Variants in RGS7 observed in about 807,000 individuals in gnomAD.
RGS7 encodes the protein regulator of G protein signaling 7.
A neutral mutation model predicts 81.1 loss-of-function variants in RGS7; 27 were observed. The observed-to-expected ratio is 0.33, with a 90% CI of 0.25 to 0.46. The LOEUF (loss-of-function observed/expected upper bound fraction) is 0.46, where lower values mean the gene tolerates loss of function less well. Among genes scored for constraint, RGS7 ranks in the 20% least tolerant of loss-of-function variants. The pLI, the probability that RGS7 is intolerant of heterozygous loss-of-function variation, is 1.00. For missense variants in RGS7, 396 were observed against 607.4 expected (o/e 0.65, Z 3.66); for synonymous variants, 208 against 207.7 (o/e 1.00, Z -0.01).
At chr1:241,137,800 G>C (rs960451421) in intron 2 of RGS7, among the ~76,000 whole-genome samples, 1 of 152,180 alleles carries the variant, frequency 6.6e-6, no homozygotes, top group Non-Finnish European at 1.5e-5. Flanking sequence ...GAGTTACAAA[G>C]GTGTGTGCTT....
At chr1:240,982,857 T>C (rs1685126817) in intron 4 of RGS7, among the ~76,000 whole-genome samples, 1 of 152,202 alleles carries the variant, frequency 6.6e-6, no homozygotes, top group Non-Finnish European at 1.5e-5. Flanking sequence ...TCAAATAATA[T>C]GGCAGAATTA....
At chr1:240,876,780 G>A (rs1665492848) in intron 6 of RGS7, among the ~76,000 whole-genome samples, 1 of 152,100 alleles carries the variant, frequency 6.6e-6, no homozygotes, top group South Asian at 2.1e-4. Context: ...GGATAACATG[G>A]TGAAACCCAA....
intron 9 of RGS7, among the ~76,000 whole-genome samples, chr1:240,852,725 C>T (rs945840143): frequency 2.6e-5 from 4 of 152,154 alleles, no homozygotes; most frequent in Non-Finnish European, 5.9e-5. Context: ...TAGAACCTCA[C>T]CCTTTCCTCT....
At chr1:241,037,712 C>T (rs1326103982) in intron 3 of RGS7, among the ~76,000 whole-genome samples, 1 of 105,898 alleles carries the variant, frequency 9.4e-6, no homozygotes, top group Non-Finnish European at 2.0e-5. Context: ...TAGAGTGAGA[C>T]TCCATCTCAA....
intron 3 of RGS7, among the ~76,000 whole-genome samples, chr1:241,013,191 T>G (rs2059056529): frequency 6.6e-6 from 1 of 151,588 alleles, no homozygotes; most frequent in Admixed American, 6.6e-5. Flanking sequence ...GCCTTCCCAG[T>G]AGCTAGGATT....
At position 241,040,901 on chromosome 1, in the gene RGS7, T is replaced by C. The variant is rs139403687; in HGVS notation, c.175+57765A>G. ...TGTTCTATCTAACCAACAGAATGTA[T>C]TACTCTTCCCTGGGAACATGCACGT... On this transcript the variant is annotated intron_variant, in intron 3 of 18. Transcript: ENST00000440928. Among the ~76,000 whole-genome samples, 15 of 152,340 alleles carry C rather than the reference T, an allele frequency of 9.8e-5. No homozygotes were observed. In the East Asian group the frequency reaches 2.9e-3, roughly 29 times the overall value.
At chr1:241,337,711 T>TG (rs891534052) in intron 2 of RGS7, among the ~76,000 whole-genome samples, 1 of 152,218 alleles carries the variant, frequency 6.6e-6, no homozygotes, top group African/African-American at 2.4e-5. Context: ...ATACTAAGCC[T>TG]GTCACTGCTC....
chr1:241,348,787 G>C (rs1022726015), intron 2 of RGS7, among the ~76,000 whole-genome samples: 3 of 152,122 alleles, frequency 2.0e-5, no homozygotes, highest in African/African-American at 7.2e-5. Flanking sequence ...TGTCTAGATA[G>C]GGCTAAACAA....
At chr1:241,004,841 G>A (rs139636757) in intron 3 of RGS7, among the ~76,000 whole-genome samples, 58 of 152,256 alleles carry the variant, frequency 3.8e-4, no homozygotes, top group Non-Finnish European at 5.4e-4. Context: ...CTACTTTTAC[G>A]GCTGGCTTTG....
intron 2 of RGS7, among the ~76,000 whole-genome samples, chr1:241,326,880 A>G (rs988021722): frequency 4.7e-5 from 7 of 149,784 alleles, no homozygotes; most frequent in African/African-American, 1.7e-4. Flanking sequence ...ACAGCTCCCC[A>G]GCCTGGGTGA....
rs188491548 is a variant in RGS7, at chr1:241,232,099, T to G, written c.78+123600A>C. 9.1e-4 allele frequency among the ~76,000 whole-genome samples: 139 copies of G among 152,308 alleles called. 1 individual carries two copies. Among genetic ancestry groups the G allele is most frequent in the African/African-American group, 3.2e-3 (131 of 41,574 alleles). On this transcript the variant is annotated intron_variant, in intron 2 of 18. Coordinates refer to ENST00000440928, the MANE Select transcript of RGS7 (RefSeq NM_001364886.1). ...GAAAACAATGCTTACCCCCTTTGAA[T>G]TGCCTTTACACCTATGTTGAAAACC... is the stretch of plus-strand genomic sequence containing the variant.
rs577585511 is a variant in RGS7 at position 241,142,641 on chromosome 1, G to A, written c.79-43879C>T. On this transcript the variant is annotated intron_variant, in intron 2 of 18. Transcript: ENST00000440928. ...CAGACAGCATGGGAATCCTGGGCCT[G>A]GCCAATGAAACCACTTTTCCTCCTA... Among the ~76,000 whole-genome samples the A allele has an allele frequency of 2.0e-5, 3 of 152,296 alleles. No individual in the cohort carries two copies. In the East Asian group the frequency reaches 5.8e-4, roughly 29 times the overall value.
At chr1:241,057,913 C>T (rs1438311013) in intron 3 of RGS7, among the ~76,000 whole-genome samples, 1 of 151,978 alleles carries the variant, frequency 6.6e-6, no homozygotes, top group Non-Finnish European at 1.5e-5. Context: ...GTTGTGAATC[C>T]TTGGATCTCA....
At chr1:241,074,901 T>G (rs557926329) in intron 3 of RGS7, among the ~76,000 whole-genome samples, 4 of 152,276 alleles carry the variant, frequency 2.6e-5, no homozygotes, top group African/African-American at 9.6e-5. Flanking sequence ...AAAAAAAATT[T>G]AAGTTTTGAA....
intron 2 of RGS7, among the ~76,000 whole-genome samples, chr1:241,240,989 T>C (rs2076233912): frequency 6.6e-6 from 1 of 152,100 alleles, no homozygotes; most frequent in East Asian, 1.9e-4. Context: ...AGAGAGTTCA[T>C]TTGCTCTCCT....
intron 3 of RGS7, among the ~76,000 whole-genome samples, chr1:241,037,635 C>A (rs185955549): frequency 1.3e-5 from 2 of 151,622 alleles, no homozygotes; most frequent in African/African-American, 4.8e-5. Context: ...GCAGGAGAAT[C>A]TCCTGAGCCC....
chr1:240,795,544 C>T (rs1168184734), intron 18 of RGS7, among the ~76,000 whole-genome samples: 1 of 152,106 alleles, frequency 6.6e-6, no homozygotes, highest in Non-Finnish European at 1.5e-5. Flanking sequence ...ATTTACATTC[C>T]ATTTAACCAA....
rs112486397 is a variant in RGS7, at chr1:241,143,098, C to T, written c.79-44336G>A. ...GTTCCTCATCTCCATCTGAGACCAC[C>T]TCAGCCTGGATCTTATTGTTCCTAT... On this transcript the variant is annotated intron_variant, in intron 2 of 18. Coordinates refer to ENST00000440928, the MANE Select transcript of RGS7 (RefSeq NM_001364886.1). Among the ~76,000 whole-genome samples the T allele has an allele frequency of 7.3e-3, 1,116 of 152,316 alleles. 13 individuals are homozygous for T. The highest frequency in any genetic ancestry group is 0.025 in the African/African-American group (1,060 of 41,574).
At chr1:241,348,586 T>C (rs10802954) in intron 2 of RGS7, among the ~76,000 whole-genome samples, 110,339 of 152,160 alleles carry the variant, frequency 0.73, 42,636 homozygotes, top group South Asian at 0.85. Context: ...GCAAATTGTG[T>C]TACTTCTCTG....
Sources: allele counts gnomAD v4.1 joint callset (sites outside exome capture counted in the v4.1 genomes callset), GRCh38; gene constraint gnomAD v4.1.1; transcripts MANE v1.5; gene names NCBI Gene and HGNC (gene_info 2026-07-23, HGNC 2026-07-21).